Variants in TANGO6 observed in about 807,000 individuals in gnomAD.
TANGO6 encodes transport and Golgi organization protein 6 homolog.
A neutral mutation model predicts 114.2 loss-of-function variants in TANGO6; 90 were observed. The observed-to-expected ratio is 0.79, with a 90% CI of 0.66 to 0.94. TANGO6 has a LOEUF of 0.94. Ranked by LOEUF, TANGO6 falls within the 40% of genes least tolerant of loss-of-function variation. The pLI is 0.00. For synonymous variants in TANGO6, 477 were observed against 509.8 expected, an observed-to-expected ratio of 0.94 and a Z score of 0.87; for missense variants, 1,274 against 1,315.3, an observed-to-expected ratio of 0.97 and a Z score of 0.49.
intron 17 of TANGO6, among the ~76,000 whole-genome samples, chr16:69,050,121 T>C (rs1959924726): frequency 6.6e-6 from 1 of 151,918 alleles, no homozygotes; most frequent in Non-Finnish European, 1.5e-5. Flanking sequence ...GGTCATATGG[T>C]AATTCTGTGT....
intron 14 of TANGO6, among the ~76,000 whole-genome samples, chr16:68,960,136 A>G: frequency 6.6e-6 from 1 of 152,344 alleles, no homozygotes; most frequent in East Asian, 1.9e-4. Flanking sequence ...AGCTACATAA[A>G]GAAAATTAAA....
At chr16:69,008,392 A>C (rs951711970) in intron 15 of TANGO6, among the ~76,000 whole-genome samples, 1 of 151,894 alleles carries the variant, frequency 6.6e-6, no homozygotes, top group Non-Finnish European at 1.5e-5. Flanking sequence ...ACAAAGATTT[A>C]CTCCTGTTTT....
At chr16:69,016,853 G>T (rs1959308933) in intron 15 of TANGO6, among the ~76,000 whole-genome samples, 2 of 152,010 alleles carry the variant, frequency 1.3e-5, no homozygotes, top group South Asian at 4.2e-4. Context: ...GTAGAGATGG[G>T]TTTCACCATG....
intron 17 of TANGO6, among the ~76,000 whole-genome samples, chr16:69,067,764 C>G (rs1960239575): frequency 6.6e-6 from 1 of 151,792 alleles, no homozygotes; most frequent in Non-Finnish European, 1.5e-5. Context: ...ATGGAGAAAC[C>G]CTGTCTCTAC....
chr16:69,036,860 G>C (rs1018394007), intron 16 of TANGO6, among the ~76,000 whole-genome samples: 3 of 152,092 alleles, frequency 2.0e-5, no homozygotes, highest in African/African-American at 7.2e-5. Context: ...CTACTCCGGA[G>C]GCCGAGGTGG....
In TANGO6 at chr16:69,007,225, T is replaced by C. The variant is rs185703437; in HGVS notation, c.2843-15603T>C. ...CATTTCTTTTTATTGCTGAATAATA[T>C]TCCGTTGTATTTATATGCCACATTT... On this transcript the variant is annotated intron_variant, in intron 15 of 17. Transcript: ENST00000261778. 14 of 152,232 alleles carry C rather than the reference T, an allele frequency of 9.2e-5. No individual in the cohort carries two copies. The East Asian group carries it at 2.7e-3, about 29-fold the overall frequency. 9.4% of individuals were successfully genotyped at this position (152,232 alleles called of 1,614,324 possible).
At chr16:69,039,343 AAGTG>A (rs1279391477) in intron 16 of TANGO6, among the ~76,000 whole-genome samples, 4 of 151,580 alleles carry the variant, frequency 2.6e-5, no homozygotes, top group African/African-American at 7.3e-5. Flanking sequence ...AAAAAAAAAA[AAGTG>A]AGCACAGGCT....
chr16:69,059,219 G>A (rs1372208309), intron 17 of TANGO6, among the ~76,000 whole-genome samples: 3 of 151,262 alleles, frequency 2.0e-5, no homozygotes, highest in African/African-American at 7.3e-5. Context: ...GGAAGTGTAC[G>A]CCACCACGCC....
intron 17 of TANGO6, among the ~76,000 whole-genome samples, chr16:69,046,798 G>C (rs570807512): frequency 1.3e-5 from 2 of 152,162 alleles, no homozygotes; most frequent in African/African-American, 4.8e-5. Context: ...AATTAACCAA[G>C]AAAAGAATAA....
At chr16:68,970,933 G>A (rs1468566180) in intron 14 of TANGO6, among the ~76,000 whole-genome samples, 1 of 151,976 alleles carries the variant, frequency 6.6e-6, no homozygotes, top group Non-Finnish European at 1.5e-5. Context: ...CGAGGAGGGC[G>A]GATCACCTCA....
rs968179474 is a variant in TANGO6 at position 68,891,306 on chromosome 16, A to G, written c.1378-9128A>G. On this transcript the variant is annotated intron_variant, in intron 7 of 17. Coordinates refer to ENST00000261778, the MANE Select transcript of TANGO6 (RefSeq NM_024562.2). Reference sequence around the variant, plus strand: ...AAACTCCATCTCAAAAAAAAAAAAAAAAAGAAATTAGCTGGGCATAATGGG... The same window carrying G: ...AAACTCCATCTCAAAAAAAAAAAAAGAAAGAAATTAGCTGGGCATAATGGG... 6.6e-5 allele frequency among the ~76,000 whole-genome samples: 10 copies of G among 151,528 alleles called. 1 individual carries two copies. The South Asian group carries it at 2.1e-3, about 32-fold the overall frequency.
At chr16:68,973,392 A>G (rs1963728801) in intron 14 of TANGO6, among the ~76,000 whole-genome samples, 1 of 152,132 alleles carries the variant, frequency 6.6e-6, no homozygotes, top group African/African-American at 2.4e-5. Flanking sequence ...ATTTGTAGTT[A>G]TATAGTTTTG....
chr16:69,025,466 T>C (rs13332087), intron 16 of TANGO6, among the ~76,000 whole-genome samples: 25,294 of 151,958 alleles, frequency 0.17, 2,207 homozygotes, highest in Non-Finnish European at 0.19. Context: ...TTTGTGAGTA[T>C]GCAAAAAAGG....
intron 17 of TANGO6, among the ~76,000 whole-genome samples, chr16:69,053,267 C>G (rs1332094149): frequency 2.0e-5 from 3 of 152,054 alleles, no homozygotes; most frequent in Non-Finnish European, 4.4e-5. Context: ...TATTCCCCCT[C>G]CCCATTCTCC....
At chr16:68,865,135 G>A (rs569510061) in intron 3 of TANGO6, among the ~76,000 whole-genome samples, 17 of 152,138 alleles carry the variant, frequency 1.1e-4, no homozygotes, top group African/African-American at 4.1e-4. Context: ...AAATTAGCCG[G>A]GCGTGGTGGT....
intron 14 of TANGO6, among the ~76,000 whole-genome samples, chr16:68,937,969 G>C (rs1455626386): frequency 2.6e-5 from 4 of 152,168 alleles, no homozygotes; most frequent in African/African-American, 9.7e-5. Flanking sequence ...GAGTGGAATT[G>C]CTGGATCGTA....
intron 14 of TANGO6, among the ~76,000 whole-genome samples, chr16:68,932,542 T>C (rs1447999883): frequency 1.3e-5 from 2 of 152,140 alleles, no homozygotes; most frequent in Non-Finnish European, 2.9e-5. Flanking sequence ...CCAAGCACTT[T>C]GGGAGGCCGA....
At chr16:69,040,691 C>T (rs1959759341) in intron 17 of TANGO6, among the ~76,000 whole-genome samples, 1 of 152,092 alleles carries the variant, frequency 6.6e-6, no homozygotes, top group African/African-American at 2.4e-5. Flanking sequence ...TGGCATTGTC[C>T]TCATTGTTCC....
At chr16:68,917,613 G>A (rs1471877186) in intron 11 of TANGO6, among the ~76,000 whole-genome samples, 1 of 152,120 alleles carries the variant, frequency 6.6e-6, no homozygotes, top group East Asian at 1.9e-4. Context: ...ATTCTATTAG[G>A]TGTGTAACAG....
Sources: allele counts gnomAD v4.1 joint callset (sites outside exome capture counted in the v4.1 genomes callset), GRCh38; gene constraint gnomAD v4.1.1; transcripts MANE v1.5; gene names NCBI Gene and HGNC (gene_info 2026-07-23, HGNC 2026-07-21).